Variants in RBM26 observed in about 807,000 individuals in gnomAD.
RBM26 encodes RNA binding motif protein 26.
In RBM26, 30 loss-of-function variants were observed where a neutral mutation model predicts 123.6. The observed-to-expected ratio is 0.24, with a 90% CI of 0.18 to 0.33. The LOEUF (loss-of-function observed/expected upper bound fraction) is 0.33, where lower values mean the gene tolerates loss of function less well. Ranked by LOEUF, RBM26 falls within the 10% of genes least tolerant of loss-of-function variation. The pLI is 1.00. For missense variants in RBM26, 947 were observed against 1,203.6 expected, an observed-to-expected ratio of 0.79 and a Z score of 3.15; for synonymous variants, 400 against 404.4, an observed-to-expected ratio of 0.99 and a Z score of 0.13.
chr13:79,371,901 C>G lies in RBM26; in HGVS notation c.357G>C (p.Lys119Asn). Reference sequence around the variant, plus strand: ...GACTGTGATTTAGCCTTCTAGAAAACTTCTTCTCTCGCTCTTCCTCCTTAG... The same window carrying G: ...GACTGTGATTTAGCCTTCTAGAAAAGTTCTTCTCTCGCTCTTCCTCCTTAG... Reference protein sequence around the residue: ...EITKEEEREKKFSRRLNHSPP... With the variant: ...EITKEEEREKNFSRRLNHSPP... The change falls in exon 4 of 22, where the codon AAG becomes AAC. Residue 119 changes from lysine to asparagine, a missense_variant. Transcript: ENST00000438737. 6.2e-7 allele frequency: 1 copy of G among 1,606,202 alleles called. No homozygotes were observed. Among genetic ancestry groups the G allele is most frequent in the South Asian group, 1.1e-5 (1 of 90,874 alleles).
chr13:79,340,692 T>C (rs1477503324), intron 18 of RBM26, among the ~76,000 whole-genome samples: 1 of 151,956 alleles, frequency 6.6e-6, no homozygotes, highest in Admixed American at 6.6e-5. Context: ...GCACCATCTA[T>C]AGGCAAAACT....
At chr13:79,338,430 A>G (rs1223190131) in intron 18 of RBM26, among the ~76,000 whole-genome samples, 2 of 152,188 alleles carry the variant, frequency 1.3e-5, no homozygotes, top group South Asian at 2.1e-4. Flanking sequence ...CAATGAATCA[A>G]AGGAGGAGCA....
intron 19 of RBM26, among the ~76,000 whole-genome samples, chr13:79,335,738 T>A (rs1320534672): frequency 6.6e-6 from 1 of 152,146 alleles, no homozygotes; most frequent in African/African-American, 2.4e-5. Flanking sequence ...AGCACCTTAG[T>A]CTCACCAAAA....
At chr13:79,377,653 G>A (rs569299165) in intron 2 of RBM26, 138 bp from the exon 3 acceptor site, 50 of 715,794 alleles carry the variant, frequency 7.0e-5, no homozygotes, top group Admixed American at 5.0e-4. Context: ...CTGGCCAGGC[G>A]TGGTGGCTTA....
chr13:79,387,897 T>C (rs548329120), intron 1 of RBM26, among the ~76,000 whole-genome samples: 1 of 152,346 alleles, frequency 6.6e-6, no homozygotes, highest in African/African-American at 2.4e-5. Flanking sequence ...ACATTGTTTC[T>C]ACCACTGTTA....
chr13:79,324,029 CTTTAAAG>C (rs541744986), intron 20 of RBM26, among the ~76,000 whole-genome samples: 405 of 151,726 alleles, frequency 2.7e-3, no homozygotes, highest in African/African-American at 8.3e-3. Flanking sequence ...AACATAAAAT[CTTTAAAG>C]TTTAAACAAT....
At chr13:79,336,042 CATTTCTGTCAA>C (rs1415867648) in intron 19 of RBM26, among the ~76,000 whole-genome samples, 17 of 152,000 alleles carry the variant, frequency 1.1e-4, no homozygotes, top group African/African-American at 3.9e-4. Flanking sequence ...AAACATAAAC[CATTTCTGTCAA>C]TATCTCCTTA....
At chr13:79,372,033 C>G (rs2075940899) in intron 3 of RBM26, 103 bp from the exon 4 acceptor site, 2 of 762,128 alleles carry the variant, frequency 2.6e-6, no homozygotes, top group African/African-American at 1.8e-5. Flanking sequence ...GTAATGCCAG[C>G]ACTTTGGGAG....
intron 1 of RBM26, among the ~76,000 whole-genome samples, chr13:79,381,779 C>T (rs1016352720): frequency 6.6e-6 from 1 of 152,050 alleles, no homozygotes; most frequent in Non-Finnish European, 1.5e-5. Flanking sequence ...TGCTCAACAT[C>T]TTCTGTAGAA....
At chr13:79,326,035 C>G (rs1370213868) in intron 20 of RBM26, among the ~76,000 whole-genome samples, 1 of 152,092 alleles carries the variant, frequency 6.6e-6, no homozygotes, top group Non-Finnish European at 1.5e-5. Context: ...GGCTATATAC[C>G]ATAGAGTGTA....
In RBM26 at chr13:79,366,720, G is replaced by A. The variant is rs1332713243; in HGVS notation, c.1048C>T (p.Pro350Ser). 2.5e-6 allele frequency: 4 copies of A among 1,611,966 alleles called. No homozygotes were observed. The highest frequency in any genetic ancestry group is 3.4e-6 in the Non-Finnish European group (4 of 1,178,862). Reference sequence around the variant, plus strand: ...ACAGGTGGGGGTGTAAGAATTGGTGGAGGTGGGGGGAGTCCAGGAGGAGGT... The same window carrying A: ...ACAGGTGGGGGTGTAAGAATTGGTGAAGGTGGGGGGAGTCCAGGAGGAGGT... ...GPPPPGLPPP[P>S]PILTPPPVNL... is the part of the protein sequence containing the mutation. Residue 350 changes from proline to serine, a missense_variant, in exon 7 of 22, where the codon CCA (proline) becomes TCA (serine). Pro to Ser is a moderately conservative substitution (Grantham distance 74, BLOSUM62 -1). This residue lies in a region of RBM26 where 493 missense variants were observed against 563.1 expected (regional missense o/e 0.88). Transcript: ENST00000438737.
intron 1 of RBM26, 128 bp from the exon 2 acceptor site, chr13:79,379,035 G>A (rs543781999): frequency 1.6e-6 from 1 of 623,970 alleles, no homozygotes; most frequent in African/African-American, 1.9e-5. Context: ...CCGGGTCACA[G>A]AGGACCTTGA....
At chr13:79,350,192 T>C (rs1312614247) in intron 14 of RBM26, among the ~76,000 whole-genome samples, 10 of 152,250 alleles carry the variant, frequency 6.6e-5, no homozygotes, top group South Asian at 2.1e-4. Context: ...GGTATAGATG[T>C]TAATATATCA....
chr13:79,386,291 C>A lies in RBM26; in HGVS notation c.72-7384G>T, dbSNP rs554960010. Among the ~76,000 whole-genome samples, 28 of 151,720 alleles carry A rather than the reference C, an allele frequency of 1.8e-4. No homozygotes were observed. The South Asian group carries it at 5.8e-3, about 32-fold the overall frequency. ...AGTACATGAAGAAAACCTGACCTGA[C>A]ACAGATACATAGTTGGAAAAACAAG... On this transcript the variant is annotated intron_variant, in intron 1 of 21. Coordinates refer to ENST00000438737, the MANE Select transcript of RBM26 (RefSeq NM_001366735.2).
intron 3 of RBM26, among the ~76,000 whole-genome samples, chr13:79,375,385 G>A (rs532933061): frequency 5.9e-4 from 89 of 151,762 alleles, no homozygotes; most frequent in African/African-American, 2.1e-3. Flanking sequence ...TGGCCAAGCT[G>A]GTCTTGAACT....
chr13:79,360,651 G>A (rs1294092562), intron 9 of RBM26, among the ~76,000 whole-genome samples: 2 of 152,052 alleles, frequency 1.3e-5, no homozygotes, highest in African/African-American at 4.8e-5. Flanking sequence ...GAAGTGAGCT[G>A]CTTTTAAATA....
At position 79,371,005 on chromosome 13, in the gene RBM26, G is replaced by A; in HGVS notation, c.574C>T (p.Leu192Phe). ...SRSRSWSKER[L>F]RERDRDRSRT... ...CTTCTATCTCTGTCCCTCTCACGAAGCCTCTCTTTACTCCAACTTCGACTT... is the reference window on the plus strand; with the variant it reads ...CTTCTATCTCTGTCCCTCTCACGAAACCTCTCTTTACTCCAACTTCGACTT... Residue 192 changes from leucine (L) to phenylalanine (F), a missense_variant, in exon 5 of 22, where the codon CTT becomes TTT. Leu to Phe is a conservative substitution (Grantham distance 22, BLOSUM62 0). Coordinates refer to ENST00000438737, the MANE Select transcript of RBM26 (RefSeq NM_001366735.2). 1 of 1,599,378 alleles carries A rather than the reference G, an allele frequency of 6.3e-7. No individual in the cohort carries two copies. Among genetic ancestry groups the A allele is most frequent in the South Asian group, 1.1e-5 (1 of 90,790 alleles).
At chr13:79,365,511 T>G in intron 9 of RBM26, 67 bp downstream of exon 9, 1 of 1,286,544 alleles carries the variant, frequency 7.8e-7, no homozygotes. Context: ...GACCAACTGT[T>G]CTTTATAAAT....
At chr13:79,372,220 A>G (rs1396931530) in intron 3 of RBM26, among the ~76,000 whole-genome samples, 3 of 152,200 alleles carry the variant, frequency 2.0e-5, no homozygotes, top group African/African-American at 7.2e-5. Context: ...CAGAGGTTGC[A>G]GTGAGCTGAG....
Sources: gnomAD v4.1 joint callset for allele counts (sites outside exome capture counted in the v4.1 genomes callset) on GRCh38, gnomAD v4.1.1 for gene constraint, gnomAD v4.1.1 regional missense constraint, MANE v1.5 for transcripts, NCBI Gene and HGNC (gene_info 2026-07-23, HGNC 2026-07-21) for gene names.